Variants in FHAD1 observed in about 807,000 individuals in gnomAD.
FHAD1 encodes the protein forkhead-associated domain-containing protein 1.
Under a neutral mutation model 191.3 loss-of-function variants are expected in FHAD1, and 146 were observed. That is an observed-to-expected ratio of 0.76 (90% CI 0.67 to 0.88). The LOEUF (loss-of-function observed/expected upper bound fraction) is 0.88, where lower values mean the gene tolerates loss of function less well. Among genes scored for constraint, FHAD1 ranks in the 40% least tolerant of loss-of-function variants. The pLI is 0.00. For synonymous variants in FHAD1, 616 were observed against 672.3 expected (o/e 0.92, Z 1.29); for missense variants, 1,635 against 1,785.8 (o/e 0.92, Z 1.52).
downstream of FHAD1, chr1:15,402,960 G>A (rs1707158090): frequency 6.6e-6 from 1 of 152,176 alleles, no homozygotes. Flanking sequence ...AGCATGATAT[G>A]TAAATGAATG....
intron 21 of FHAD1, 39 bp from the exon 22 acceptor site, chr1:15,360,439 A>G: frequency 6.5e-7 from 1 of 1,527,708 alleles, no homozygotes. Flanking sequence ...CGTCATACAC[A>G]GCTCCCAAGA....
Position 15,304,129 on chromosome 1 carries a change from G to A in FHAD1, c.915+2688G>A, listed in dbSNP as rs576517701. On this transcript the variant is annotated intron_variant, in intron 6 of 33. Transcript: ENST00000688493. ...ATTCTCCTGGGTCTCCTGAAAGTGT[G>A]TGCATAACGATTTGCTCTCAAAGCC... 1.4e-4 allele frequency among the ~76,000 whole-genome samples: 22 copies of A among 152,366 alleles called. 1 individual carries two copies. The South Asian group carries it at 1.9e-3, about 13-fold the overall frequency.
In FHAD1 at chr1:15,389,447, CAAAAAA is replaced by C. The variant is rs570569622; in HGVS notation, c.4269+1332_4269+1337del. Among the ~76,000 whole-genome samples the C allele has an allele frequency of 5.9e-4, 32 of 54,236 alleles. 1 individual carries two copies. The East Asian group carries it at 9.1e-3, about 16-fold the overall frequency. 35.6% of individuals were successfully genotyped at this position (54,236 alleles called of 152,430 possible). On this transcript the variant is annotated intron_variant, in intron 32 of 33. Coordinates refer to ENST00000688493, the MANE Select transcript of FHAD1 (RefSeq NM_001391957.1). ...TGAGCAACAGAGGAAGAACCTGTCT[CAAAAAA>C]AAAAAAAAAAAAAAACCTGCTGGAA...
chr1:15,318,269 T>C lies in FHAD1; in HGVS notation c.1365+341T>C, dbSNP rs1011721702. ...ATTATTTTAATGTCCCTTCCCATCATGGGAAAAAAAATTGTATTGCATACT... is the reference window on the plus strand; with the variant it reads ...ATTATTTTAATGTCCCTTCCCATCACGGGAAAAAAAATTGTATTGCATACT... On this transcript the variant is annotated intron_variant, in intron 10 of 33. Transcript: ENST00000688493. This position sits in a 1 kb window ranked among gnomAD's most constrained non-coding sequence, Gnocchi z 4.1. Among the ~76,000 whole-genome samples, 7 of 152,140 alleles carry C rather than the reference T, an allele frequency of 4.6e-5. No homozygotes were observed. The highest frequency in any genetic ancestry group is 1.4e-4 in the African/African-American group (6 of 41,436).
downstream of FHAD1, among the ~76,000 whole-genome samples, chr1:15,401,489 C>T (rs1488969022): frequency 6.6e-6 from 1 of 152,226 alleles, no homozygotes; most frequent in African/African-American, 2.4e-5. Flanking sequence ...CAACTTCCTT[C>T]CGCCCTTGCC....
intron 12 of FHAD1, 171 bp from the exon 13 acceptor site, chr1:15,328,106 C>A: frequency 2.4e-6 from 1 of 419,846 alleles, no homozygotes; most frequent in Non-Finnish European, 4.2e-6. Flanking sequence ...GTGACAGGAC[C>A]AACGTCCCCC....
intron 31 of FHAD1, among the ~76,000 whole-genome samples, chr1:15,385,119 G>A (rs992977889): frequency 4.5e-5 from 3 of 67,134 alleles, no homozygotes; most frequent in Middle Eastern, 9.4e-3. Context: ...AAGGGAAAAA[G>A]GGGGAAAATC....
intron 7 of FHAD1, among the ~76,000 whole-genome samples, chr1:15,310,611 A>C (rs1301126873): frequency 3.3e-5 from 5 of 152,172 alleles, no homozygotes; most frequent in African/African-American, 1.2e-4. Flanking sequence ...CATCACCTGG[A>C]TCCTTGTGAG....
intron 6 of FHAD1, among the ~76,000 whole-genome samples, chr1:15,308,201 ATTG>A (rs1201718321): frequency 6.6e-6 from 1 of 152,022 alleles, no homozygotes; most frequent in African/African-American, 2.4e-5. Context: ...GATATAACCT[ATTG>A]TTATCATTTG....
intron 33 of FHAD1, among the ~76,000 whole-genome samples, chr1:15,394,191 T>A (rs1448925210): frequency 6.6e-6 from 1 of 152,174 alleles, no homozygotes. Context: ...CCATCCTTTG[T>A]CATTTCATAA....
At chr1:15,339,364 A>G in intron 14 of FHAD1, 117 bp from the exon 15 acceptor site, 1 of 411,462 alleles carries the variant, frequency 2.4e-6, no homozygotes, top group Non-Finnish European at 4.6e-6. Context: ...TTAAAACCAC[A>G]GGTTGGATGG....
chr1:15,339,288 TG>T (rs1685560574), intron 14 of FHAD1, among the ~76,000 whole-genome samples, 192 bp from the exon 15 acceptor site: 1 of 152,204 alleles, frequency 6.6e-6, no homozygotes, highest in South Asian at 2.1e-4. Flanking sequence ...CCCAAAGTGC[TG>T]GGGTTACAGG....
At chr1:15,369,063 T>G (rs535729246) in intron 25 of FHAD1, among the ~76,000 whole-genome samples, 26 of 152,242 alleles carry the variant, frequency 1.7e-4, no homozygotes, top group Non-Finnish European at 3.5e-4. Flanking sequence ...GGGATTGTTA[T>G]GAGAGATAGA....
rs1426511288 is a variant in FHAD1 at position 15,360,572 on chromosome 1, T to A, written c.2831T>A (p.Ile944Asn). 6.4e-7 allele frequency: 1 copy of A among 1,551,794 alleles called. No homozygotes were observed. The highest frequency in any genetic ancestry group is 8.7e-7 in the Non-Finnish European group (1 of 1,147,056). The change falls in exon 22 of 34, where the codon ATC becomes AAC. Residue 944 changes from isoleucine to asparagine, a missense_variant. Ile to Asn is a moderately radical substitution (Grantham distance 149, BLOSUM62 -3). Coordinates refer to ENST00000688493, the MANE Select transcript of FHAD1 (RefSeq NM_001391957.1). The stretch of plus-strand genomic sequence containing the variant: ...CAGAGACACGGGTTTGAAGAAGAGA[T>A]CATGGAATATAAGGAGCAAATCAAA... The part of the protein sequence containing the change: ...ESQRHGFEEE[I>N]MEYKEQIKQH...
chr1:15,265,419 G>T (rs776715919), intron 2 of FHAD1, among the ~76,000 whole-genome samples: 26 of 152,246 alleles, frequency 1.7e-4, no homozygotes, highest in Non-Finnish European at 3.4e-4. Flanking sequence ...TATGTTGGCA[G>T]CAGAGCTTTC....
intron 2 of FHAD1, among the ~76,000 whole-genome samples, chr1:15,268,132 C>T (rs1210082897): frequency 1.4e-5 from 2 of 145,450 alleles, no homozygotes; most frequent in Non-Finnish European, 3.0e-5. Flanking sequence ...TCTCCTAAAG[C>T]TATCCCTTCC....
chr1:15,387,883 T>G (rs1702553382), intron 31 of FHAD1, among the ~76,000 whole-genome samples, 168 bp from the exon 32 acceptor site: 1 of 151,992 alleles, frequency 6.6e-6, no homozygotes, highest in African/African-American at 2.4e-5. Context: ...AGATCCTGTC[T>G]CGAATAAAAA....
intron 24 of FHAD1, 42 bp downstream of exon 24, chr1:15,365,975 C>T (rs1478043481): frequency 1.0e-5 from 14 of 1,356,214 alleles, no homozygotes; most frequent in Non-Finnish European, 1.3e-5. Context: ...CTGACCCACT[C>T]GAGAAAGGAA....
chr1:15,395,080 G>A (rs1359357460), intron 33 of FHAD1, among the ~76,000 whole-genome samples: 2 of 152,056 alleles, frequency 1.3e-5, no homozygotes, highest in African/African-American at 2.4e-5. Context: ...TTGGGAGGCC[G>A]AGATGGGCGG....
Sources: allele counts gnomAD v4.1 joint callset (sites outside exome capture counted in the v4.1 genomes callset), GRCh38; gene constraint gnomAD v4.1.1; non-coding constraint Gnocchi (gnomAD v3.1); transcripts MANE v1.5; gene names NCBI Gene and HGNC (gene_info 2026-07-23, HGNC 2026-07-21).